ITCH: variants seen among roughly 807,000 people sequenced by gnomAD.
ITCH encodes the protein E3 ubiquitin-protein ligase Itchy homolog.
Under a neutral mutation model 126.8 loss-of-function variants are expected in ITCH, and 28 were observed. The ratio of observed to expected loss-of-function variants is 0.22; its 90% CI spans 0.16 to 0.30. ITCH has a LOEUF of 0.30. Among genes scored for constraint, ITCH ranks in the 10% least tolerant of loss-of-function variants. The pLI is 1.00. For synonymous variants in ITCH, 342 were observed against 340.0 expected, an observed-to-expected ratio of 1.01 and a Z score of -0.06; for missense variants, 631 against 1,032.4, an observed-to-expected ratio of 0.61 and a Z score of 5.33.
intron 20 of ITCH, among the ~76,000 whole-genome samples, chr20:34,488,986 C>T: frequency 6.6e-6 from 1 of 152,100 alleles, no homozygotes. Flanking sequence ...CTGCAGTGAG[C>T]CAAGATTGTG....
At chr20:34,472,948 C>A (rs1396557046) in intron 16 of ITCH, among the ~76,000 whole-genome samples, 1 of 152,164 alleles carries the variant, frequency 6.6e-6, no homozygotes, top group African/African-American at 2.4e-5. Flanking sequence ...ACTTGCTTAC[C>A]TCTTACCAGT....
At position 34,509,832 on chromosome 20, in the gene ITCH, A is replaced by C. The variant is rs1213194630; in HGVS notation, c.*2038A>C. On this transcript the variant is annotated 3_prime_UTR_variant, in exon 25 of 25. Transcript: ENST00000374864. ...CTATAAAGACTTCCTGTTGAGGTGAATTCTCATACTGAAATGTAGTTACCT... is the reference window on the plus strand; with the variant it reads ...CTATAAAGACTTCCTGTTGAGGTGACTTCTCATACTGAAATGTAGTTACCT... The C allele has an allele frequency of 6.6e-6, 1 of 152,640 alleles. No individual in the cohort carries two copies. Among genetic ancestry groups the C allele is most frequent in the Non-Finnish European group, 1.5e-5 (1 of 68,028 alleles). The allele number at this position is 152,640 out of a possible 1,614,324, so 9.5% of individuals were successfully genotyped here.
intron 1 of ITCH, among the ~76,000 whole-genome samples, chr20:34,367,295 A>C (rs1407458439): frequency 3.9e-5 from 6 of 152,128 alleles, no homozygotes; most frequent in African/African-American, 1.4e-4. Flanking sequence ...CGTGTGCCTC[A>C]GCCTCCCAAG....
At chr20:34,475,478 T>C (rs6059859) in intron 16 of ITCH, among the ~76,000 whole-genome samples, 73,101 of 151,922 alleles carry the variant, frequency 0.48, 17,878 homozygotes, top group Middle Eastern at 0.51. Flanking sequence ...CACATCGAAA[T>C]CCCGTCTCCA....
At chr20:34,431,817 A>G (rs968368815) in intron 7 of ITCH, among the ~76,000 whole-genome samples, 1 of 152,146 alleles carries the variant, frequency 6.6e-6, no homozygotes, top group Non-Finnish European at 1.5e-5. Flanking sequence ...AGGTGGGCGG[A>G]TCACTTGAGG....
rs1199707564 is a variant in ITCH at position 34,455,474 on chromosome 20, A to AT, written c.1211-1900dup. Among the ~76,000 whole-genome samples the AT allele has an allele frequency of 6.6e-3, 920 of 139,088 alleles. 4 individuals are homozygous for AT. Among genetic ancestry groups the AT allele is most frequent in the East Asian group, 0.014 (68 of 4,814 alleles). 91.2% of individuals were successfully genotyped at this position (139,088 alleles called of 152,430 possible). On this transcript the variant is annotated intron_variant, in intron 12 of 24. Transcript: ENST00000374864. ...TACTAAAAGAGAAAATGATATCCAC[A>AT]TTTTTTTTTTTTTTTTGAGACGGAG...
chr20:34,452,658 T>C (rs945563374), intron 12 of ITCH, among the ~76,000 whole-genome samples: 4 of 152,168 alleles, frequency 2.6e-5, no homozygotes, highest in Non-Finnish European at 5.9e-5. Flanking sequence ...TCCTACCTCA[T>C]AGGCTCAGTG....
intron 3 of ITCH, among the ~76,000 whole-genome samples, chr20:34,398,255 G>A (rs893704186): frequency 2.0e-5 from 3 of 151,686 alleles, no homozygotes; most frequent in African/African-American, 4.8e-5. Flanking sequence ...TAGAGATGGC[G>A]TTTTGCTCTG....
At chr20:34,368,479 G>T (rs1481304134) in intron 1 of ITCH, among the ~76,000 whole-genome samples, 1 of 151,670 alleles carries the variant, frequency 6.6e-6, no homozygotes, top group Non-Finnish European at 1.5e-5. Context: ...TAAGCACTCA[G>T]TAAAGGCATG....
intron 7 of ITCH, among the ~76,000 whole-genome samples, chr20:34,438,134 C>A (rs1983254544): frequency 6.6e-6 from 1 of 152,120 alleles, no homozygotes; most frequent in Non-Finnish European, 1.5e-5. Flanking sequence ...TAAAATAGTG[C>A]CCTAAGGATT....
At chr20:34,500,819 C>A (rs913230048) in intron 23 of ITCH, among the ~76,000 whole-genome samples, 5 of 151,828 alleles carry the variant, frequency 3.3e-5, no homozygotes, top group Admixed American at 6.6e-5. Context: ...GTTCTTTTTT[C>A]CCTTAGTGTA....
At chr20:34,478,030 A>T (rs1265954858) in intron 17 of ITCH, 170 bp downstream of exon 17, 1 of 800,184 alleles carries the variant, frequency 1.2e-6, no homozygotes, top group Non-Finnish European at 1.9e-6. Flanking sequence ...CATTTAATTC[A>T]GCACTTTCTA....
chr20:34,464,558 C>T (rs1345685593), intron 14 of ITCH, among the ~76,000 whole-genome samples: 1 of 151,872 alleles, frequency 6.6e-6, no homozygotes, highest in Non-Finnish European at 1.5e-5. Flanking sequence ...AACTCCCGAC[C>T]TCAGGTGATC....
chr20:34,394,574 G>T (rs2038606336), intron 3 of ITCH, among the ~76,000 whole-genome samples: 1 of 152,064 alleles, frequency 6.6e-6, no homozygotes, highest in South Asian at 2.1e-4. Context: ...GTAGAGATGG[G>T]GTCTCACTAT....
intron 14 of ITCH, among the ~76,000 whole-genome samples, chr20:34,467,959 C>G (rs1349042571): frequency 2.6e-5 from 4 of 151,480 alleles, no homozygotes; most frequent in African/African-American, 9.7e-5. Context: ...GGAGAAAAAT[C>G]ATACGATAAT....
intron 2 of ITCH, among the ~76,000 whole-genome samples, chr20:34,388,628 C>G (rs1219014377): frequency 6.6e-6 from 1 of 152,152 alleles, no homozygotes; most frequent in African/African-American, 2.4e-5. Context: ...AGTTATGATA[C>G]TCAGGGCAAA....
intron 20 of ITCH, among the ~76,000 whole-genome samples, 195 bp downstream of exon 20, chr20:34,481,401 T>C (rs1192753245): frequency 6.6e-6 from 1 of 152,176 alleles, no homozygotes; most frequent in Non-Finnish European, 1.5e-5. Flanking sequence ...AGGATAAAAG[T>C]CATGCAGGAT....
rs555132726 is a variant in ITCH, at chr20:34,393,753, AT to A, written c.-21-33del. On this transcript the variant is annotated intron_variant, in intron 2 of 24. Transcript: ENST00000374864. The stretch of plus-strand genomic sequence containing the variant: ...CTATTTATATATGTTTTTAATGGGA[AT>A]TTTTGATGTTTACAGTGTCTCCTTT... The A allele has an allele frequency of 2.0e-3, 2,373 of 1,205,006 alleles. 15 individuals are homozygous for A. The highest frequency in any genetic ancestry group is 1.6e-3 in the Non-Finnish European group (1,318 of 806,384). 74.6% of individuals were successfully genotyped at this position (1,205,006 alleles called of 1,614,324 possible).
intron 24 of ITCH, among the ~76,000 whole-genome samples, chr20:34,507,277 T>TC (rs1231999529): frequency 1.1e-5 from 1 of 87,464 alleles, no homozygotes; most frequent in African/African-American, 4.0e-5. Flanking sequence ...TTTTTTTTTT[T>TC]TTTTTTTTTT....
Sources: allele counts gnomAD v4.1 joint callset (sites outside exome capture counted in the v4.1 genomes callset), GRCh38; gene constraint gnomAD v4.1.1; transcripts MANE v1.5; gene names NCBI Gene and HGNC (gene_info 2026-07-23, HGNC 2026-07-21).